NEDD4: variants seen among roughly 807,000 people sequenced by gnomAD.
NEDD4 encodes the protein E3 ubiquitin-protein ligase NEDD4.
In NEDD4, 99 loss-of-function variants were observed where a neutral mutation model predicts 144.9. That is an observed-to-expected ratio of 0.68 (90% CI 0.58 to 0.81). The LOEUF (loss-of-function observed/expected upper bound fraction) is 0.81. Among genes scored for constraint, NEDD4 ranks in the 30% least tolerant of loss-of-function variants. The pLI is 0.00. For synonymous variants in NEDD4, 318 were observed against 350.6 expected (o/e 0.91, Z 1.04); for missense variants, 985 against 1,065.9 (o/e 0.92, Z 1.06).
Position 55,917,170 on chromosome 15 carries a change from C to G in NEDD4, c.291+7476G>C, listed in dbSNP as rs765180994. 2.0e-5 allele frequency: 21 copies of G among 1,049,668 alleles called. No homozygotes were observed. The East Asian group carries it at 1.5e-3, about 73-fold the overall frequency. The allele number at this position is 1,049,668 out of a possible 1,614,324, so 65.0% of individuals were successfully genotyped here. Reference sequence around the variant, plus strand: ...CACAGCCAACCTTGTTTCAATTATACCTTCTCCAATTTGCATGAATGAGTA... The same window carrying G: ...CACAGCCAACCTTGTTTCAATTATAGCTTCTCCAATTTGCATGAATGAGTA... On this transcript the variant is annotated intron_variant, in intron 5 of 28. Transcript: ENST00000435532.
At chr15:55,911,780 G>A (rs931417053) in intron 5 of NEDD4, among the ~76,000 whole-genome samples, 3 of 151,954 alleles carry the variant, frequency 2.0e-5, no homozygotes, top group Admixed American at 6.6e-5. Flanking sequence ...CGCCCGTCTC[G>A]GCCTCCCAAA....
chr15:55,914,529 A>G (rs1263874853), intron 5 of NEDD4, among the ~76,000 whole-genome samples: 5 of 151,994 alleles, frequency 3.3e-5, no homozygotes, highest in African/African-American at 1.2e-4. Flanking sequence ...ATGCCTAGCA[A>G]TTTAAACCAA....
chr15:55,977,381 G>A (rs559577610), intron 1 of NEDD4, among the ~76,000 whole-genome samples: 6 of 152,288 alleles, frequency 3.9e-5, no homozygotes, highest in African/African-American at 1.4e-4. Context: ...GTGTGTAGTA[G>A]GCTATACTTT....
chr15:55,834,250 T>G lies in NEDD4; in HGVS notation c.2299A>C (p.Ile767Leu), dbSNP rs1355933359. 6.2e-7 allele frequency: 1 copy of G among 1,610,504 alleles called. No individual in the cohort carries two copies. The highest frequency in any genetic ancestry group is 1.1e-5 in the South Asian group (1 of 91,006). ...ACCTCTAGTTCATTTTCATCAAAAA[T>G]TTTGATGAGATCCTGTGGTATTAGT... ...FELIPQDLIK[I>L]FDENELELLM... Residue 767 changes from isoleucine to leucine, a missense_variant, in exon 25 of 29, where the codon ATT becomes CTT. Coordinates refer to ENST00000435532, the MANE Select transcript of NEDD4 (RefSeq NM_006154.4).
chr15:55,971,213 A>T (rs530747809), intron 1 of NEDD4, among the ~76,000 whole-genome samples: 1 of 152,344 alleles, frequency 6.6e-6, no homozygotes, highest in Non-Finnish European at 1.5e-5. Flanking sequence ...AGAAAGAATT[A>T]GCGAGCTTGA....
chr15:55,876,902 G>A (rs138624646), intron 5 of NEDD4, among the ~76,000 whole-genome samples: 419 of 134,074 alleles, frequency 3.1e-3, no homozygotes, highest in Non-Finnish European at 4.9e-3. Context: ...ATGGAGTCTT[G>A]CCATCTTACG....
intron 27 of NEDD4, 89 bp downstream of exon 27, chr15:55,832,919 G>C (rs1227998287): frequency 6.9e-6 from 6 of 866,146 alleles, no homozygotes; most frequent in Non-Finnish European, 9.2e-6. Context: ...CTAAGTGTTA[G>C]TAAATGATGG....
chr15:55,915,897 C>A (rs760080515), intron 5 of NEDD4: 2 of 1,613,950 alleles, frequency 1.2e-6, no homozygotes, highest in East Asian at 2.2e-5. Context: ...AGCACTAGTG[C>A]CATCCTCATT....
chr15:55,936,795 C>CTT (rs762982574), intron 4 of NEDD4, among the ~76,000 whole-genome samples: 39 of 141,476 alleles, frequency 2.8e-4, no homozygotes, highest in East Asian at 6.0e-4. Flanking sequence ...TATTTCTTTT[C>CTT]TTTTTTTTTT....
At chr15:55,978,618 C>T (rs1232425330) in intron 1 of NEDD4, among the ~76,000 whole-genome samples, 4 of 152,112 alleles carry the variant, frequency 2.6e-5, no homozygotes, top group Admixed American at 2.0e-4. Flanking sequence ...ACACCTTTTC[C>T]GTAATCAAAA....
chr15:55,827,946 GGGT>G lies in NEDD4; in HGVS notation c.*1948_*1950del, dbSNP rs2032769035. On this transcript the variant is annotated 3_prime_UTR_variant, in exon 29 of 29. Transcript: ENST00000435532. ...TTCTGACAATCTGGCATGACAATGA[GGGT>G]GGGCATGATTACTCTCATTTGACAG... The G allele has an allele frequency of 6.6e-6, 1 of 152,130 alleles. No homozygotes were observed. The highest frequency in any genetic ancestry group is 2.4e-5 in the African/African-American group (1 of 41,442). The allele number at this position is 152,130 out of a possible 1,614,324, so 9.4% of individuals were successfully genotyped here. A position where few individuals can be genotyped will look rare whatever the true frequency, so the allele number is the denominator to read the frequency against.
intron 18 of NEDD4, among the ~76,000 whole-genome samples, chr15:55,845,804 T>TC (rs1293915698): frequency 1.3e-5 from 2 of 151,160 alleles, no homozygotes; most frequent in Non-Finnish European, 3.0e-5. Flanking sequence ...TTTTCTTTTT[T>TC]TTTTTTTGAG....
intron 4 of NEDD4, among the ~76,000 whole-genome samples, chr15:55,927,565 T>A (rs1376812075): frequency 6.6e-6 from 1 of 152,100 alleles, no homozygotes; most frequent in Non-Finnish European, 1.5e-5. Flanking sequence ...ACAAGAATAT[T>A]TTTGCATTAG....
chr15:55,848,287 T>TGTA (rs1287313863), intron 17 of NEDD4, 85 bp downstream of exon 17: 1 of 1,295,816 alleles, frequency 7.7e-7, no homozygotes, highest in Admixed American at 1.7e-5. Context: ...TCTCAATGCC[T>TGTA]GTAGGGTTAT....
chr15:55,840,034 AT>A (rs1566901294), intron 21 of NEDD4, among the ~76,000 whole-genome samples: 48 of 92,554 alleles, frequency 5.2e-4, no homozygotes, highest in Admixed American at 2.1e-3. Flanking sequence ...ATATATATAT[AT>A]ATATATAACA....
At position 55,945,646 on chromosome 15, in the gene NEDD4, G is replaced by A. The variant is rs192977335; in HGVS notation, c.237+5730C>T. Among the ~76,000 whole-genome samples the A allele has an allele frequency of 1.1e-4, 17 of 152,060 alleles. No individual in the cohort carries two copies. In the East Asian group the frequency reaches 3.3e-3, roughly 29 times the overall value. On this transcript the variant is annotated intron_variant, in intron 4 of 28. Coordinates refer to ENST00000435532, the MANE Select transcript of NEDD4 (RefSeq NM_006154.4). ...CAAGGCATGACAACATTCAAATTCA[G>A]GAAATACAGATAACACCACAAAGAT...
intron 5 of NEDD4, chr15:55,916,965 G>T: frequency 1.4e-6 from 2 of 1,425,432 alleles, no homozygotes; most frequent in Non-Finnish European, 1.8e-6. Flanking sequence ...TTAAGTAGTA[G>T]TCTTTATCCT....
chr15:55,989,107 G>A (rs753178185), intron 1 of NEDD4, among the ~76,000 whole-genome samples: 17 of 152,026 alleles, frequency 1.1e-4, no homozygotes, highest in African/African-American at 1.7e-4. Flanking sequence ...GTGGTGGTGC[G>A]TGCCTATAAT....
rs1198437443 is a variant in NEDD4 at position 55,828,509 on chromosome 15, C to T, written c.*1388G>A. 1 of 152,164 alleles carries T rather than the reference C, an allele frequency of 6.6e-6. No individual in the cohort carries two copies. Among genetic ancestry groups the T allele is most frequent in the Non-Finnish European group, 1.5e-5 (1 of 68,038 alleles). 9.4% of individuals were successfully genotyped at this position (152,164 alleles called of 1,614,324 possible). On this transcript the variant is annotated 3_prime_UTR_variant, in exon 29 of 29. Coordinates refer to ENST00000435532, the MANE Select transcript of NEDD4 (RefSeq NM_006154.4). ...GGAACCTAGAACACTTTCCCTTTTGCCTTATTCTGCTTACGCCTACTTTTG... is the reference window on the plus strand; with the variant it reads ...GGAACCTAGAACACTTTCCCTTTTGTCTTATTCTGCTTACGCCTACTTTTG...
Sources: gnomAD v4.1 joint callset for allele counts (sites outside exome capture counted in the v4.1 genomes callset) on GRCh38, gnomAD v4.1.1 for gene constraint, MANE v1.5 for transcripts, NCBI Gene and HGNC (gene_info 2026-07-23, HGNC 2026-07-21) for gene names.